IL25: variants seen among roughly 807,000 people sequenced by gnomAD.
The protein encoded by IL25 is interleukin-25.
A neutral mutation model predicts 13.2 loss-of-function variants in IL25; 10 were observed. The observed-to-expected ratio is 0.76, with a 90% CI of 0.47 to 1.29. The LOEUF (loss-of-function observed/expected upper bound fraction) is 1.29. Among genes scored for constraint, IL25 ranks in the 50% most tolerant of loss-of-function variants. IL25 has a pLI of 0.00. For synonymous variants in IL25, 107 were observed against 92.1 expected (o/e 1.16, Z -0.93); for missense variants, 235 against 232.4 (o/e 1.01, Z -0.07).
At chr14:23,375,803 A>G (rs768668851) in exon 2 of IL25, 11 of 1,614,116 alleles carry the variant, frequency 6.8e-6, no homozygotes, top group East Asian at 2.2e-5. Flanking sequence ...GGGCACCCAC[A>G]AGGGCTACTG....
exon 1 of IL25, chr14:23,373,141 G>C: frequency 6.2e-7 from 1 of 1,614,210 alleles, no homozygotes; most frequent in East Asian, 2.2e-5. Context: ...CCCAGATTAG[G>C]TGAGGACAGT....
At chr14:23,376,208 C>T (rs1890554605) in exon 2 of IL25, 1 of 320,358 alleles carries the variant, frequency 3.1e-6, no homozygotes, top group African/African-American at 2.1e-5. Flanking sequence ...AGCACAGGCA[C>T]TTTCTAGATA....
intron 1 of IL25, among the ~76,000 whole-genome samples, chr14:23,374,712 ATCTTTCTT>A (rs200247185): frequency 2.1e-5 from 3 of 144,106 alleles, no homozygotes; most frequent in Admixed American, 6.9e-5. Flanking sequence ...AGTGTTTTTC[ATCTTTCTT>A]TCTTTCTTTC....
In IL25 at chr14:23,375,835, T is replaced by C. The variant is rs755699004; in HGVS notation, c.489T>C (p.Arg163=). 3 of 1,614,138 alleles carry C rather than the reference T, an allele frequency of 1.9e-6. No individual in the cohort carries two copies. The African/African-American group carries it at 4.0e-5, about 22-fold the overall frequency. Reference sequence around the variant, plus strand: ...ACTGCCTGGAGCGCAGGCTGTACCGTGTTTCCTTAGCTTGTGTGTGTGTGC... The same window carrying C: ...ACTGCCTGGAGCGCAGGCTGTACCGCGTTTCCTTAGCTTGTGTGTGTGTGC... The change falls in exon 2 of 2, where the codon CGT becomes CGC. Residue 163 remains arginine (R), a synonymous_variant. Coordinates refer to ENST00000329715, the Ensembl canonical transcript of IL25.
At chr14:23,374,140 G>T (rs1442126809) in intron 1 of IL25, among the ~76,000 whole-genome samples, 2 of 152,038 alleles carry the variant, frequency 1.3e-5, no homozygotes, top group African/African-American at 4.8e-5. Flanking sequence ...TCAGTGGTGG[G>T]GAGGGGGTCA....
chr14:23,375,754 C>T (rs758207461), exon 2 of IL25: 2 of 1,614,244 alleles, frequency 1.2e-6, no homozygotes, highest in South Asian at 2.2e-5. Flanking sequence ...TCTACCACAA[C>T]CAGACTGTCT....
Position 23,375,668 on chromosome 14 carries a change from G to A in IL25, c.322G>A (p.Ala108Thr), listed in dbSNP as rs559504576. 38 of 1,614,068 alleles carry A rather than the reference G, an allele frequency of 2.4e-5. No homozygotes were observed. Among genetic ancestry groups the A allele is most frequent in the South Asian group, 2.0e-4 (18 of 91,082 alleles). ...CCGGCTCCCCCAGGACCTGTACCAC[G>A]CCCGTTGCCTGTGCCCGCACTGCGT... is the stretch of plus-strand genomic sequence containing the variant. Residue 108 changes from alanine (A) to threonine (T), a missense_variant, in exon 2 of 2, where the codon GCC becomes ACC. Coordinates refer to ENST00000329715, the Ensembl canonical transcript of IL25.
Position 23,375,149 on chromosome 14 carries a change from G to A in IL25, c.279-476G>A, listed in dbSNP as rs11465517. ...ATGAAAATTAGCTGGGTATGGTGGC[G>A]GGCATCAGGAGAATCGCTCGAACCC... On this transcript the variant is annotated intron_variant, in intron 1 of 1. Transcript: ENST00000329715. Among the ~76,000 whole-genome samples, 1,037 of 152,076 alleles carry A rather than the reference G, an allele frequency of 6.8e-3. 7 individuals are homozygous for A. The highest frequency in any genetic ancestry group is 0.012 in the Non-Finnish European group (847 of 67,998).
intron 1 of IL25, among the ~76,000 whole-genome samples, chr14:23,373,764 G>A (rs547433231): frequency 6.6e-6 from 1 of 152,196 alleles, no homozygotes; most frequent in Admixed American, 6.5e-5. Flanking sequence ...AAATATTAGG[G>A]AATAATGGCA....
At chr14:23,374,624 TG>T (rs1397446698) in intron 1 of IL25, among the ~76,000 whole-genome samples, 1 of 152,174 alleles carries the variant, frequency 6.6e-6, no homozygotes, top group African/African-American at 2.4e-5. Flanking sequence ...CTTGTCTGTG[TG>T]GGGAATGGTC....
At chr14:23,375,211 A>G (rs1303112913) in intron 1 of IL25, among the ~76,000 whole-genome samples, 1 of 152,220 alleles carries the variant, frequency 6.6e-6, no homozygotes, top group Non-Finnish European at 1.5e-5. Context: ...AGATCGTGCC[A>G]CTGCACTCCA....
chr14:23,373,804 A>G (rs1890475188), intron 1 of IL25, among the ~76,000 whole-genome samples: 2 of 152,136 alleles, frequency 1.3e-5, no homozygotes, highest in South Asian at 2.1e-4. Flanking sequence ...CCCAATACCA[A>G]TTGATACTGC....
chr14:23,373,603 T>G (rs1373862233), intron 1 of IL25, among the ~76,000 whole-genome samples: 2 of 135,464 alleles, frequency 1.5e-5, no homozygotes, highest in Non-Finnish European at 3.3e-5. Context: ...AACTCAGGGT[T>G]TTTTTTTTTT....
chr14:23,373,120 T>C (rs1890456856), exon 1 of IL25: 2 of 1,613,978 alleles, frequency 1.2e-6, no homozygotes, highest in Middle Eastern at 3.3e-4. Context: ...AGGGTGCAGA[T>C]GAGGGAGCGA....
rs755200509 is a variant in IL25, at chr14:23,373,395, G to A, written c.277G>A (p.Glu93Lys). The stretch of plus-strand genomic sequence containing the variant: ...CAGGGCCATCTCCCCCTGGAGATAT[G>A]AGTGAGTCTGCTGCCCCTCCCGAAT... The change falls in exon 1 of 2, where the codon GAG becomes AAG. Residue 93 changes from glutamate (E) to lysine (K), a missense_variant and splice_region_variant. By Grantham distance (56) the Glu-to-Lys change is moderately conservative. Transcript: ENST00000329715. 5.6e-6 allele frequency: 9 copies of A among 1,604,908 alleles called. No individual in the cohort carries two copies. In the East Asian group the frequency reaches 2.0e-4, roughly 36 times the overall value.
chr14:23,375,449 A>G (rs1890518150), intron 1 of IL25, among the ~76,000 whole-genome samples, 176 bp from the exon 3 acceptor site: 1 of 152,130 alleles, frequency 6.6e-6, no homozygotes, highest in Admixed American at 6.5e-5. Context: ...CAGTGGGGAA[A>G]ATTTAATAAA....
At chr14:23,373,600 G>A (rs1420318296) in intron 1 of IL25, among the ~76,000 whole-genome samples, 1 of 150,694 alleles carries the variant, frequency 6.6e-6, no homozygotes, top group African/African-American at 2.5e-5. Context: ...CAAAACTCAG[G>A]GTTTTTTTTT....
intron 1 of IL25, among the ~76,000 whole-genome samples, chr14:23,374,303 C>A (rs542029624): frequency 2.8e-4 from 43 of 152,206 alleles, no homozygotes; most frequent in African/African-American, 1.0e-3. Context: ...TCTTCCAGAC[C>A]CCTTGCTGGG....
chr14:23,373,108 G>A (rs1402979175), exon 1 of IL25: 12 of 1,613,872 alleles, frequency 7.4e-6, no homozygotes, highest in Non-Finnish European at 7.6e-6. Flanking sequence ...GATCCCAGGG[G>A]GAGGGTGCAG....
Sources: allele counts gnomAD v4.1 joint callset (sites outside exome capture counted in the v4.1 genomes callset), GRCh38; gene constraint gnomAD v4.1.1; transcripts MANE v1.5; gene names NCBI Gene and HGNC (gene_info 2026-07-23, HGNC 2026-07-21).